TECPR1: variants seen among roughly 807,000 people sequenced by gnomAD.
The protein encoded by TECPR1 is tectonin beta-propeller repeat containing 1.
TECPR1 carries 122 observed loss-of-function variants against 162.4 expected under a neutral mutation model. That is an observed-to-expected ratio of 0.75 (90% CI 0.65 to 0.87). The LOEUF (loss-of-function observed/expected upper bound fraction) is 0.87. Ranked by LOEUF, TECPR1 falls within the 40% of genes least tolerant of loss-of-function variation. TECPR1 has a pLI of 0.00. For missense variants in TECPR1, 1,432 were observed against 1,618.2 expected, an observed-to-expected ratio of 0.88 and a Z score of 1.97; for synonymous variants, 642 against 670.6, an observed-to-expected ratio of 0.96 and a Z score of 0.66.
rs777338684 is a variant in TECPR1, at chr7:98,232,958, C to T, written c.1687G>A (p.Val563Ile). Residue 563 changes from valine (V) to isoleucine (I), a missense_variant, in exon 12 of 26, where the codon GTA becomes ATA. By Grantham distance (29) the Val-to-Ile change is conservative (BLOSUM62 3). Transcript: ENST00000447648. The surrounding 1 kb of genome is among the most constrained non-coding windows in gnomAD (Gnocchi z 4.6). ...FTVQAGLSSS[V>I]HMLSLSITPA... ...GTGATGGACAGGGACAGCATGTGTA[C>T]CGAGGAGGACAGGCCTGTGGGGCAG... is the stretch of plus-strand genomic sequence containing the variant. 1 of 1,611,676 alleles carries T rather than the reference C, an allele frequency of 6.2e-7. No homozygotes were observed. The highest frequency in any genetic ancestry group is 8.5e-7 in the Non-Finnish European group (1 of 1,179,504).
chr7:98,246,032 T>C lies in TECPR1; in HGVS notation c.115A>G (p.Ser39Gly). 6.3e-7 allele frequency: 1 copy of C among 1,590,030 alleles called. No individual in the cohort carries two copies. The highest frequency in any genetic ancestry group is 8.6e-7 in the Non-Finnish European group (1 of 1,168,916). ...KDSQLEFKRV[S>G]ATTQCCWGIA... is the part of the protein sequence containing the mutation. ...CCCCAGCAGCACTGCGTGGTGGCGC[T>C]GACGCGCTTGAACTCCAGCTGGGAG... is the stretch of plus-strand genomic sequence containing the variant. Residue 39 changes from serine (S) to glycine (G), a missense_variant, in exon 3 of 26, where the codon AGC becomes GGC. By Grantham distance (56) the Ser-to-Gly change is moderately conservative (BLOSUM62 0). Coordinates refer to ENST00000447648, the MANE Select transcript of TECPR1 (RefSeq NM_015395.3).
chr7:98,245,778 CA>C (rs1163439345), intron 3 of TECPR1, 143 bp downstream of exon 3: 2 of 794,382 alleles, frequency 2.5e-6, no homozygotes, highest in African/African-American at 3.5e-5. Flanking sequence ...CTGGCAGCAA[CA>C]CAGATTTTAA....
intron 2 of TECPR1, among the ~76,000 whole-genome samples, chr7:98,250,388 G>C (rs540786917): frequency 1.0e-3 from 155 of 152,126 alleles, no homozygotes; most frequent in Admixed American, 1.8e-3. Context: ...AGCCCTTTCC[G>C]GGGCTGAGGT....
At chr7:98,224,979 A>AC in intron 18 of TECPR1, 27 bp downstream of exon 18, 1 of 1,538,964 alleles carries the variant, frequency 6.5e-7, no homozygotes, top group South Asian at 1.2e-5. Flanking sequence ...CGGATTCCCA[A>AC]CCCCCCAGGG....
At chr7:98,221,383 C>T (rs1377748249) in intron 23 of TECPR1, among the ~76,000 whole-genome samples, 1 of 152,118 alleles carries the variant, frequency 6.6e-6, no homozygotes, top group African/African-American at 2.4e-5. Flanking sequence ...GGTGGATACT[C>T]CCTTTACCCT....
intron 10 of TECPR1, among the ~76,000 whole-genome samples, chr7:98,234,457 A>G (rs1486369307): frequency 2.0e-5 from 3 of 152,130 alleles, no homozygotes; most frequent in Non-Finnish European, 4.4e-5. Context: ...CCCGATCATA[A>G]ACCTCTTTTC....
Position 98,233,443 on chromosome 7 carries a change from G to A in TECPR1, c.1650C>T (p.Pro550=), listed in dbSNP as rs182013531. 888 of 1,467,488 alleles carry A rather than the reference G, an allele frequency of 6.1e-4. 4 individuals are homozygous for A. The African/African-American group carries it at 0.011, about 19-fold the overall frequency. 90.9% of individuals were successfully genotyped at this position (1,467,488 alleles called of 1,614,324 possible). A position where few individuals can be genotyped will look rare whatever the true frequency, so the allele number is the denominator to read the frequency against. Residue 550 remains proline, a synonymous_variant, in exon 11 of 26, where the codon CCC becomes CCT. Coordinates refer to ENST00000447648, the MANE Select transcript of TECPR1 (RefSeq NM_015395.3). ...TACCCGCCTGGACAGTGAACCATCT[G>A]GGCATGGCACATGCCTCCACCACGC... ...GGCVVEACAM[P]RWFTVQAGLS... is the part of the protein sequence containing the mutation.
In TECPR1 at chr7:98,241,932, G is replaced by C. The variant is rs1243126841; in HGVS notation, c.658-688C>G. 6.6e-6 allele frequency among the ~76,000 whole-genome samples: 1 copy of C among 152,184 alleles called. No homozygotes were observed. Among genetic ancestry groups the C allele is most frequent in the Non-Finnish European group, 1.5e-5 (1 of 68,024 alleles). ...CTGGTGCCACCTCTCATGGACCACA[G>C]GTGTGGTGCAGGCAGCACCAGCTCA... is the stretch of plus-strand genomic sequence containing the variant. On this transcript the variant is annotated intron_variant, in intron 6 of 25. Transcript: ENST00000447648. This position sits in a 1 kb window ranked among gnomAD's most constrained non-coding sequence, Gnocchi z 5.0.
chr7:98,244,244 G>A (rs934757457), intron 5 of TECPR1, among the ~76,000 whole-genome samples: 2 of 152,168 alleles, frequency 1.3e-5, no homozygotes, highest in Admixed American at 6.5e-5. Flanking sequence ...ATGGAGCAAC[G>A]CTAGAGCCAG....
chr7:98,234,811 T>G (rs527705705), intron 10 of TECPR1, among the ~76,000 whole-genome samples: 37 of 150,828 alleles, frequency 2.5e-4, no homozygotes, highest in African/African-American at 7.8e-4. Context: ...CCTGGGCTCA[T>G]GTGATCCTCC....
chr7:98,234,527 T>C (rs886604326), intron 10 of TECPR1, among the ~76,000 whole-genome samples: 11 of 152,038 alleles, frequency 7.2e-5, no homozygotes, highest in African/African-American at 2.7e-4. Flanking sequence ...TAAAACGCGT[T>C]TTCAAGCCTC....
chr7:98,247,980 C>A (rs931569512), intron 2 of TECPR1, among the ~76,000 whole-genome samples: 1 of 152,190 alleles, frequency 6.6e-6, no homozygotes, highest in Non-Finnish European at 1.5e-5. Context: ...CCCACCTTGG[C>A]CTCCCGAAGC....
chr7:98,234,739 C>A (rs1048071787), intron 10 of TECPR1, among the ~76,000 whole-genome samples: 1 of 98,714 alleles, frequency 1.0e-5, no homozygotes, highest in South Asian at 3.3e-4. Flanking sequence ...GAGATAGAGT[C>A]TTTCTCTGTT....
intron 13 of TECPR1, chr7:98,231,593 C>T: frequency 7.8e-6 from 5 of 643,146 alleles, no homozygotes; most frequent in Admixed American, 3.3e-5. Flanking sequence ...TTCTGTACTC[C>T]CTCTCCTGGG....
At chr7:98,219,619 C>A (rs1000585491) in intron 23 of TECPR1, among the ~76,000 whole-genome samples, 1 of 152,156 alleles carries the variant, frequency 6.6e-6, no homozygotes, top group Non-Finnish European at 1.5e-5. Flanking sequence ...AGAAGATATG[C>A]GGCTGGGCGC....
chr7:98,243,715 T>C, intron 5 of TECPR1, 123 bp from the exon 6 acceptor site: 1 of 1,293,836 alleles, frequency 7.7e-7, no homozygotes, highest in Non-Finnish European at 1.0e-6. Context: ...GCTGCCTTAA[T>C]TCACAGGGAA....
intron 1 of TECPR1, 95 bp downstream of exon 1, chr7:98,252,031 G>C (rs933363380): frequency 1.3e-5 from 2 of 152,664 alleles, no homozygotes; most frequent in African/African-American, 4.8e-5. Context: ...ACAGCCTGGG[G>C]GTGGTGGGGA....
rs1798201970 is a variant in TECPR1, at chr7:98,223,684, CA to C, written c.2724del (p.Phe908LeufsTer2). On this transcript the variant is annotated frameshift_variant, in exon 20 of 26. Coordinates refer to ENST00000447648, the MANE Select transcript of TECPR1 (RefSeq NM_015395.3). LOFTEE classifies it high-confidence loss of function. Reference protein sequence around the residue: ...SYHGSKTMKDFVRRRCWARKC... With the variant: ...SYHGSKTMKDXVRRRCWARKC... ...CACCTGGCCCAGCACCTCCTCCTCA[CA>C]AAATCCTTCATCGTTTTGGACCCAT... 5 of 1,613,772 alleles carry C rather than the reference CA, an allele frequency of 3.1e-6. No individual in the cohort carries two copies. The highest frequency in any genetic ancestry group is 4.2e-6 in the Non-Finnish European group (5 of 1,179,820).
At position 98,245,979 on chromosome 7, in the gene TECPR1, C is replaced by A. The variant is rs1798896622; in HGVS notation, c.168G>T (p.Val56=). The change falls in exon 3 of 26, where the codon GTG becomes GTT. Residue 56 remains valine (V), a synonymous_variant. Coordinates refer to ENST00000447648, the MANE Select transcript of TECPR1 (RefSeq NM_015395.3). ...TGGGGACATCGCTGGCACACACATA[C>A]ACGTAGACCTGGTTGTCACAGGCAA... The part of the protein sequence containing the change: ...WGIACDNQVY[V]YVCASDVPIR... 13 of 1,607,028 alleles carry A rather than the reference C, an allele frequency of 8.1e-6. No homozygotes were observed. Among genetic ancestry groups the A allele is most frequent in the Non-Finnish European group, 1.0e-5 (12 of 1,177,400 alleles).
Sources: gnomAD v4.1 joint callset for allele counts (sites outside exome capture counted in the v4.1 genomes callset) on GRCh38, gnomAD v4.1.1 for gene constraint, Gnocchi (gnomAD v3.1) non-coding constraint, MANE v1.5 for transcripts, NCBI Gene and HGNC (gene_info 2026-07-23, HGNC 2026-07-21) for gene names.